Variants in PPFIA1 observed in about 807,000 individuals in gnomAD.
PPFIA1 encodes liprin-alpha-1.
A neutral mutation model predicts 149.9 loss-of-function variants in PPFIA1; 25 were observed. That is an observed-to-expected ratio of 0.17 (90% CI 0.12 to 0.23). The LOEUF is 0.23. PPFIA1 is among the 10% of genes least tolerant of loss of function. PPFIA1 has a pLI of 1.00. For synonymous variants in PPFIA1, 549 were observed against 552.8 expected (o/e 0.99, Z 0.10); for missense variants, 1,362 against 1,506.5 (o/e 0.90, Z 1.59).
chr11:70,363,429 G>A (rs1032489103), intron 21 of PPFIA1: 1 of 152,238 alleles, frequency 6.6e-6, no homozygotes, highest in African/African-American at 2.4e-5. Context: ...CCATGTGTAA[G>A]TAGCATCTTG....
intron 2 of PPFIA1, among the ~76,000 whole-genome samples, chr11:70,313,646 T>C (rs2053423708): frequency 6.6e-6 from 1 of 152,162 alleles, no homozygotes; most frequent in Non-Finnish European, 1.5e-5. Context: ...AGTGTCTGAC[T>C]TGGACAACTG....
At chr11:70,273,315 A>G (rs2050203191) in intron 2 of PPFIA1, among the ~76,000 whole-genome samples, 1 of 152,204 alleles carries the variant, frequency 6.6e-6, no homozygotes, top group Non-Finnish European at 1.5e-5. Context: ...TGAGTATGTT[A>G]CATTTGGACC....
intron 7 of PPFIA1, 127 bp from the exon 8 acceptor site, chr11:70,330,046 C>A: frequency 1.2e-6 from 1 of 849,032 alleles, no homozygotes; most frequent in Non-Finnish European, 1.8e-6. Flanking sequence ...TGTATCTGGC[C>A]TGAGGATGCT....
At chr11:70,376,488 T>C (rs1318185035) in intron 24 of PPFIA1, 44 bp from the exon 25 acceptor site, 1 of 1,538,724 alleles carries the variant, frequency 6.5e-7, no homozygotes, top group Non-Finnish European at 9.0e-7. Context: ...CCCTTCAAAT[T>C]AGATTTGATG....
chr11:70,378,207 GTCAC>G lies in PPFIA1; in HGVS notation c.3550+13_3550+16del. ...GATGCAGATGGACGGTATGTGATGGGTCACACTAACCTGTCACTTGTTGGGAGCA... is the reference window on the plus strand; with the variant it reads ...GATGCAGATGGACGGTATGTGATGGGACTAACCTGTCACTTGTTGGGAGCA... On this transcript the variant is annotated intron_variant, in intron 26 of 27. Transcript: ENST00000253925. 2.5e-6 allele frequency: 4 copies of G among 1,611,078 alleles called. No homozygotes were observed. The highest frequency in any genetic ancestry group is 3.4e-6 in the Non-Finnish European group (4 of 1,178,020).
intron 16 of PPFIA1, chr11:70,349,874 TC>T (rs1157579134): frequency 2.9e-5 from 13 of 455,360 alleles, no homozygotes; most frequent in Admixed American, 2.6e-4. Flanking sequence ...TCTCTATGCT[TC>T]CGTCATTGGT....
At chr11:70,325,457 A>G in intron 4 of PPFIA1, 43 bp from the exon 5 acceptor site, 1 of 1,282,284 alleles carries the variant, frequency 7.8e-7, no homozygotes, top group Non-Finnish European at 1.1e-6. Context: ...TAAAATAAAC[A>G]GTATACACAC....
intron 11 of PPFIA1, among the ~76,000 whole-genome samples, chr11:70,336,862 G>A (rs2055010215): frequency 6.6e-6 from 1 of 152,196 alleles, no homozygotes; most frequent in Non-Finnish European, 1.5e-5. Context: ...CTGCTCATCT[G>A]AGAGACTAAT....
At position 70,284,852 on chromosome 11, in the gene PPFIA1, T is replaced by C. The variant is rs374521344; in HGVS notation, c.264+12416T>C. 2.1e-3 allele frequency among the ~76,000 whole-genome samples: 314 copies of C among 152,106 alleles called. 3 individuals carry two copies. The highest frequency in any genetic ancestry group is 7.0e-3 in the African/African-American group (292 of 41,502). On this transcript the variant is annotated intron_variant, in intron 2 of 27. Coordinates refer to ENST00000253925, the MANE Select transcript of PPFIA1 (RefSeq NM_003626.5). Reference sequence around the variant, plus strand: ...GAAGGGAAGAGTGAACATGGTAAGGTTGGCTAGGTAGGTTGGGATGGGATC... The same window carrying C: ...GAAGGGAAGAGTGAACATGGTAAGGCTGGCTAGGTAGGTTGGGATGGGATC...
At chr11:70,294,537 ATTT>A (rs951441382) in intron 2 of PPFIA1, among the ~76,000 whole-genome samples, 3 of 125,092 alleles carry the variant, frequency 2.4e-5, no homozygotes, top group Non-Finnish European at 4.9e-5. Context: ...AATGGTGAGA[ATTT>A]TCTTTCTTTT....
At position 70,381,517 on chromosome 11, in the gene PPFIA1, G is replaced by A. The variant is rs371053065; in HGVS notation, c.3551-571G>A. On this transcript the variant is annotated intron_variant, in intron 26 of 27. Transcript: ENST00000253925. The stretch of plus-strand genomic sequence containing the variant: ...GGCCAACGCCCCACCCCTGCAGCCA[G>A]ATCTCTGCACCTGCTCTGCTCCTCC... 3.3e-4 allele frequency among the ~76,000 whole-genome samples: 50 copies of A among 152,310 alleles called. 1 individual carries two copies. In the South Asian group the frequency reaches 0.01, roughly 32 times the overall value.
chr11:70,338,897 C>G (rs559448347), intron 13 of PPFIA1, among the ~76,000 whole-genome samples: 22 of 152,346 alleles, frequency 1.4e-4, no homozygotes, highest in Non-Finnish European at 2.5e-4. Flanking sequence ...AGGGGTCTCT[C>G]TCATCCTAGA....
chr11:70,359,931 C>A (rs1041997633), intron 19 of PPFIA1, among the ~76,000 whole-genome samples: 2 of 152,254 alleles, frequency 1.3e-5, no homozygotes, highest in African/African-American at 4.8e-5. Context: ...ACACAGGGGC[C>A]TTCTTCCCGT....
chr11:70,282,884 G>T (rs1402423720), intron 2 of PPFIA1, among the ~76,000 whole-genome samples: 2 of 139,616 alleles, frequency 1.4e-5, no homozygotes, highest in Non-Finnish European at 3.0e-5. Flanking sequence ...TTGTCGCCCA[G>T]GCTGGAGTGC....
At chr11:70,356,802 C>T (rs550415030) in intron 19 of PPFIA1, among the ~76,000 whole-genome samples, 11 of 152,344 alleles carry the variant, frequency 7.2e-5, no homozygotes, top group African/African-American at 2.6e-4. Flanking sequence ...AGTCGCCATG[C>T]TGCATTTTTC....
intron 13 of PPFIA1, among the ~76,000 whole-genome samples, chr11:70,338,683 A>T (rs993485181): frequency 2.6e-5 from 4 of 152,242 alleles, no homozygotes; most frequent in African/African-American, 9.6e-5. Flanking sequence ...TAATATTTGG[A>T]TATCTTAATT....
chr11:70,317,644 A>G (rs2053712911), intron 2 of PPFIA1, among the ~76,000 whole-genome samples: 1 of 152,194 alleles, frequency 6.6e-6, no homozygotes. Flanking sequence ...GGGAAACTGT[A>G]TGAAACAGAA....
intron 2 of PPFIA1, among the ~76,000 whole-genome samples, chr11:70,319,543 G>A (rs535093960): frequency 4.6e-5 from 7 of 152,270 alleles, no homozygotes; most frequent in Non-Finnish European, 7.4e-5. Context: ...TCCAGCCCGG[G>A]GGTAGCAGTG....
chr11:70,291,136 C>T (rs780252364), intron 2 of PPFIA1, among the ~76,000 whole-genome samples: 2 of 152,010 alleles, frequency 1.3e-5, no homozygotes, highest in Non-Finnish European at 2.9e-5. Context: ...CCACCAGCTC[C>T]CGGCCTCCCA....
Sources: gnomAD v4.1 joint callset for allele counts (sites outside exome capture counted in the v4.1 genomes callset) on GRCh38, gnomAD v4.1.1 for gene constraint, MANE v1.5 for transcripts, NCBI Gene and HGNC (gene_info 2026-07-23, HGNC 2026-07-21) for gene names.